FARP2: variants seen among roughly 807,000 people sequenced by gnomAD.
FARP2 encodes FERM, ARH/RhoGEF and pleckstrin domain protein 2.
FARP2 carries 111 observed loss-of-function variants against 130.5 expected under a neutral mutation model. That is an observed-to-expected ratio of 0.85 (90% CI 0.73 to 1.00). The LOEUF is 1.00. Ranked by LOEUF, FARP2 falls within the 50% of genes least tolerant of loss-of-function variation. The pLI is 0.00. For missense variants in FARP2, 1,385 were observed against 1,346.3 expected, an observed-to-expected ratio of 1.03 and a Z score of -0.45; for synonymous variants, 504 against 516.9, an observed-to-expected ratio of 0.98 and a Z score of 0.34.
intron 11 of FARP2, among the ~76,000 whole-genome samples, chr2:241,435,403 G>C (rs1239323334): frequency 6.6e-6 from 1 of 151,682 alleles, no homozygotes; most frequent in Non-Finnish European, 1.5e-5. Flanking sequence ...ACCATGCCCA[G>C]CCTATTTTAA....
At chr2:241,465,984 T>C (rs1484823059) in intron 17 of FARP2, 35 of 1,391,548 alleles carry the variant, frequency 2.5e-5, no homozygotes, top group East Asian at 2.7e-5. Flanking sequence ...CCAAAGGCAG[T>C]TGCACTAATT....
intron 17 of FARP2, among the ~76,000 whole-genome samples, chr2:241,467,535 G>T (rs573411910): frequency 6.6e-6 from 1 of 151,832 alleles, no homozygotes; most frequent in African/African-American, 2.4e-5. Flanking sequence ...CTGTTCTTGC[G>T]GGGGGCTAAG....
intron 19 of FARP2, chr2:241,478,718 G>A (rs1193094934): frequency 4.3e-6 from 2 of 468,606 alleles, no homozygotes; most frequent in Admixed American, 2.3e-5. Flanking sequence ...CAAAATTAGA[G>A]AACAAGAGAG....
At position 241,467,149 on chromosome 2, in the gene FARP2, G is replaced by A. The variant is rs573614664; in HGVS notation, c.1894-991G>A. 3.3e-5 allele frequency among the ~76,000 whole-genome samples: 5 copies of A among 152,204 alleles called. No individual in the cohort carries two copies. In the South Asian group the frequency reaches 1.0e-3, roughly 32 times the overall value. On this transcript the variant is annotated intron_variant, in intron 17 of 26. Coordinates refer to ENST00000264042, the MANE Select transcript of FARP2 (RefSeq NM_014808.4). ...GTGCGCCTGTGATCCCAGGTACTCA[G>A]GGGGCTGAAGCAGGAGAATTACCTG...
intron 13 of FARP2, 128 bp downstream of exon 13, chr2:241,441,684 T>G: frequency 7.5e-7 from 1 of 1,333,386 alleles, no homozygotes; most frequent in South Asian, 1.2e-5. Flanking sequence ...AAAATGACAA[T>G]GGTGGGGATG....
At chr2:241,362,235 A>G (rs2061204599) in intron 1 of FARP2, among the ~76,000 whole-genome samples, 2 of 152,166 alleles carry the variant, frequency 1.3e-5, no homozygotes, top group Admixed American at 1.3e-4. Flanking sequence ...TTGTTAGTAT[A>G]GTAGTTAATA....
At chr2:241,448,659 GC>G (rs2063571613) in intron 13 of FARP2, among the ~76,000 whole-genome samples, 1 of 152,242 alleles carries the variant, frequency 6.6e-6, no homozygotes, top group African/African-American at 2.4e-5. Flanking sequence ...AGCACAACTT[GC>G]TGTTATAGGT....
At chr2:241,418,216 C>A in intron 8 of FARP2, 107 bp downstream of exon 8, 1 of 1,196,414 alleles carries the variant, frequency 8.4e-7, no homozygotes, top group Non-Finnish European at 1.2e-6. Flanking sequence ...CTGATGAGTA[C>A]GGGCCTCGAT....
chr2:241,409,080 C>A (rs2062446847), intron 5 of FARP2, among the ~76,000 whole-genome samples: 1 of 91,158 alleles, frequency 1.1e-5, no homozygotes, highest in Non-Finnish European at 2.5e-5. Context: ...AGATAGATAC[C>A]TGAAAATGAT....
At chr2:241,357,972 A>G (rs747064500) in intron 1 of FARP2, among the ~76,000 whole-genome samples, 7 of 152,212 alleles carry the variant, frequency 4.6e-5, no homozygotes, top group Non-Finnish European at 1.0e-4. Context: ...GGCAGATTGC[A>G]TGAGCTCAGG....
At chr2:241,416,293 A>C (rs376222593) in intron 7 of FARP2, among the ~76,000 whole-genome samples, 1 of 152,122 alleles carries the variant, frequency 6.6e-6, no homozygotes, top group Non-Finnish European at 1.5e-5. Context: ...AGGGTGAGCC[A>C]TGTGGTCTGC....
intron 2 of FARP2, among the ~76,000 whole-genome samples, chr2:241,389,171 C>G (rs1237086574): frequency 2.0e-5 from 3 of 151,928 alleles, no homozygotes; most frequent in Non-Finnish European, 4.4e-5. Flanking sequence ...ATTCCAACTA[C>G]TTGGGAGGCT....
intron 8 of FARP2, among the ~76,000 whole-genome samples, chr2:241,421,922 T>A (rs1056956568): frequency 1.3e-5 from 2 of 152,062 alleles, no homozygotes; most frequent in African/African-American, 4.8e-5. Flanking sequence ...GGTGGGCAGA[T>A]CACTTGAGGT....
At chr2:241,469,287 G>A (rs924234307) in intron 18 of FARP2, among the ~76,000 whole-genome samples, 30 of 152,052 alleles carry the variant, frequency 2.0e-4, no homozygotes, top group African/African-American at 5.5e-4. Flanking sequence ...GGGTTTCACC[G>A]TGTTGGCCAG....
intron 1 of FARP2, among the ~76,000 whole-genome samples, chr2:241,358,381 T>A (rs1255388233): frequency 1.3e-5 from 2 of 152,222 alleles, no homozygotes; most frequent in Non-Finnish European, 2.9e-5. Flanking sequence ...AAATTTATCC[T>A]GTTTAGAGGG....
At chr2:241,408,615 T>C (rs1043232019) in intron 5 of FARP2, among the ~76,000 whole-genome samples, 1 of 152,128 alleles carries the variant, frequency 6.6e-6, no homozygotes, top group African/African-American at 2.4e-5. Flanking sequence ...TTTCTTTGTA[T>C]TTTTTGTATT....
chr2:241,483,462 CAGG>C lies in FARP2; in HGVS notation c.2263_2265del (p.Glu755del). The stretch of plus-strand genomic sequence containing the variant: ...GAAAGGGGACTCTGTCTCTGTCTTT[CAGG>C]AGTTCATCCGTGAGGGCTGCCTTCA... On this transcript the variant is annotated splice_acceptor_variant and coding_sequence_variant, in exon 20 of 27. Transcript: ENST00000264042. LOFTEE classifies it high-confidence loss of function. 2 of 1,613,870 alleles carry C rather than the reference CAGG, an allele frequency of 1.2e-6. No individual in the cohort carries two copies. The highest frequency in any genetic ancestry group is 2.2e-5 in the East Asian group (1 of 44,878).
chr2:241,447,587 T>C (rs2063541109), intron 13 of FARP2, among the ~76,000 whole-genome samples: 1 of 152,142 alleles, frequency 6.6e-6, no homozygotes, highest in Non-Finnish European at 1.5e-5. Flanking sequence ...GCCTGTTTTT[T>C]CCACAGTCAG....
chr2:241,435,220 A>G (rs1324043558), intron 11 of FARP2, among the ~76,000 whole-genome samples, 190 bp downstream of exon 11: 1 of 151,376 alleles, frequency 6.6e-6, no homozygotes, highest in Admixed American at 6.6e-5. Flanking sequence ...CAGCCTCCCG[A>G]GTAGCTGGGA....
Sources: allele counts gnomAD v4.1 joint callset (sites outside exome capture counted in the v4.1 genomes callset), GRCh38; gene constraint gnomAD v4.1.1; transcripts MANE v1.5; gene names NCBI Gene and HGNC (gene_info 2026-07-23, HGNC 2026-07-21).